The following ZAP70 variants were observed in gnomAD, a reference collection of about 807,000 sequenced individuals.
The protein encoded by ZAP70 is tyrosine-protein kinase ZAP-70.
Under a neutral mutation model 65.8 loss-of-function variants are expected in ZAP70, and 27 were observed. The observed-to-expected ratio is 0.41, with a 90% CI of 0.30 to 0.57. The LOEUF (loss-of-function observed/expected upper bound fraction) is 0.57. Ranked by LOEUF, ZAP70 falls within the 20% of genes least tolerant of loss-of-function variation. The probability of loss-of-function intolerance (pLI) is 0.28; values close to 1 mark genes in which losing one functional copy is unlikely to be tolerated. For missense variants in ZAP70, 696 were observed against 870.5 expected, an observed-to-expected ratio of 0.80 and a Z score of 2.52; for synonymous variants, 363 against 360.8, an observed-to-expected ratio of 1.01 and a Z score of -0.07.
At chr2:97,725,853 G>A (rs1677367713) in intron 4 of ZAP70, among the ~76,000 whole-genome samples, 1 of 152,158 alleles carries the variant, frequency 6.6e-6, no homozygotes, top group Non-Finnish European at 1.5e-5. Flanking sequence ...AAATGCAATG[G>A]CAAGTGCAAA....
At chr2:97,724,602 C>G in intron 3 of ZAP70, 164 bp downstream of exon 3, 1 of 1,533,992 alleles carries the variant, frequency 6.5e-7, no homozygotes. Flanking sequence ...TGAAAGGAGG[C>G]CTCAGAGGCA....
intron 10 of ZAP70, among the ~76,000 whole-genome samples, chr2:97,735,712 C>T (rs139122623): frequency 3.3e-5 from 5 of 152,298 alleles, no homozygotes; most frequent in Middle Eastern, 3.4e-3. Flanking sequence ...TGAGTCGGCA[C>T]CTATAAAGGG....
chr2:97,724,612 A>T, intron 3 of ZAP70, 174 bp downstream of exon 3: 1 of 1,533,758 alleles, frequency 6.5e-7, no homozygotes, highest in Non-Finnish European at 8.7e-7. Flanking sequence ...CCTCAGAGGC[A>T]GGGGCTCCGT....
At position 97,731,555 on chromosome 2, in the gene ZAP70, C is replaced by T. The variant is rs1413040290; in HGVS notation, c.564-1328C>T. Among the ~76,000 whole-genome samples, 1 of 152,182 alleles carries T rather than the reference C, an allele frequency of 6.6e-6. No individual in the cohort carries two copies. The highest frequency in any genetic ancestry group is 1.5e-5 in the Non-Finnish European group (1 of 68,036). ...GTGGGCTAGCCTGGGAACTGCCCCA[C>T]CCTTCACTGCACTGTACTTCGGGGA... On this transcript the variant is annotated intron_variant, in intron 4 of 13. Coordinates refer to ENST00000264972, the MANE Select transcript of ZAP70 (RefSeq NM_001079.4). The surrounding 1 kb of genome is among the most constrained non-coding windows in gnomAD (Gnocchi z 4.0).
the ZAP70 span, among the ~76,000 whole-genome samples, chr2:97,748,943 C>T: frequency 6.6e-6 from 1 of 150,772 alleles, no homozygotes; most frequent in East Asian, 2.0e-4. Flanking sequence ...AGGTCCGTGA[C>T]GGTTTAGTCT....
At position 97,724,354 on chromosome 2, in the gene ZAP70, G is replaced by A. The variant is rs1370194713; in HGVS notation, c.318G>A (p.Ser106=). The A allele has an allele frequency of 1.9e-6, 3 of 1,552,640 alleles. No homozygotes were observed. Among genetic ancestry groups the A allele is most frequent in the Non-Finnish European group, 2.6e-6 (3 of 1,149,066 alleles). Residue 106 remains serine, a synonymous_variant, in exon 3 of 14, where the codon TCG becomes TCA. Coordinates refer to ENST00000264972, the MANE Select transcript of ZAP70 (RefSeq NM_001079.4). ...CNLRKPCNRP[S]GLEPQPGVFD... is the part of the protein sequence containing the mutation. ...TGCGCAAGCCGTGCAACCGGCCGTC[G>A]GGCCTCGAGCCGCAGCCGGGGGTCT...
intron 2 of ZAP70, among the ~76,000 whole-genome samples, chr2:97,722,189 T>C (rs1213319097): frequency 6.6e-6 from 1 of 152,164 alleles, no homozygotes; most frequent in Non-Finnish European, 1.5e-5. Flanking sequence ...CACGAGGTTC[T>C]CCTGCCTCAG....
At chr2:97,756,128 T>C in the ZAP70 span, among the ~76,000 whole-genome samples, 2 of 152,010 alleles carry the variant, frequency 1.3e-5, no homozygotes, top group African/African-American at 2.4e-5. Context: ...AAACAGGCTT[T>C]CAAGTTGTTT....
chr2:97,721,257 C>A (rs1261686173), intron 2 of ZAP70, among the ~76,000 whole-genome samples: 2 of 152,192 alleles, frequency 1.3e-5, no homozygotes, highest in Non-Finnish European at 2.9e-5. Flanking sequence ...TGTGAGTTTG[C>A]CTACTTGTTA....
In ZAP70 at chr2:97,723,996, G is replaced by T; in HGVS notation, c.-21-20G>T. 6.5e-7 allele frequency: 1 copy of T among 1,537,060 alleles called. No homozygotes were observed. Among genetic ancestry groups the T allele is most frequent in the South Asian group, 1.2e-5 (1 of 84,010 alleles). On this transcript the variant is annotated intron_variant, in intron 2 of 13. Transcript: ENST00000264972. ...TTCAGGAAGGCCCTGACGTGCCTCC[G>T]ACCCTCTGTGAACCCGCAGGTTTCG...
intron 2 of ZAP70, among the ~76,000 whole-genome samples, chr2:97,717,353 G>A (rs1433598215): frequency 9.8e-5 from 14 of 142,366 alleles, no homozygotes; most frequent in Admixed American, 7.4e-4. Flanking sequence ...GGGGACATGC[G>A]GAGCCTCTGG....
In ZAP70 at chr2:97,724,084, G is replaced by T; in HGVS notation, c.48G>T (p.Ser16=). ...AHLPFFYGSI[S]RAEAEEHLKL... is the part of the protein sequence containing the mutation. ...TGCCCTTCTTCTACGGCAGCATCTC[G>T]CGTGCCGAGGCCGAGGAGCACCTGA... is the stretch of plus-strand genomic sequence containing the variant. Residue 16 remains serine (S), a synonymous_variant, in exon 3 of 14, where the codon TCG becomes TCT. Coordinates refer to ENST00000264972, the MANE Select transcript of ZAP70 (RefSeq NM_001079.4). The T allele has an allele frequency of 6.4e-7, 1 of 1,559,862 alleles. No individual in the cohort carries two copies. The highest frequency in any genetic ancestry group is 8.6e-7 in the Non-Finnish European group (1 of 1,156,732).
intron 4 of ZAP70, among the ~76,000 whole-genome samples, chr2:97,725,551 CCTT>C (rs1444392245): frequency 6.6e-6 from 1 of 152,224 alleles, no homozygotes; most frequent in East Asian, 1.9e-4. Flanking sequence ...AGTTTCCCCT[CCTT>C]CAATCAACAA....
intron 13 of ZAP70, 180 bp downstream of exon 13, chr2:97,738,287 C>A: frequency 1.5e-6 from 1 of 669,992 alleles, no homozygotes; most frequent in Non-Finnish European, 2.6e-6. Context: ...CCAGGGTTTG[C>A]TGTCCTGCTC....
At chr2:97,745,206 T>C in the ZAP70 span, among the ~76,000 whole-genome samples, 2 of 152,166 alleles carry the variant, frequency 1.3e-5, no homozygotes, top group African/African-American at 4.8e-5. Flanking sequence ...GACCAGCTAA[T>C]TTTTGTCTTC....
chr2:97,733,627 G>A, intron 8 of ZAP70, 32 bp downstream of exon 8: 8 of 1,613,150 alleles, frequency 5.0e-6, no homozygotes, highest in Non-Finnish European at 6.8e-6. Context: ...CGCGGGTTGG[G>A]GCTCATGCTG....
rs1156574068 is a variant in ZAP70, at chr2:97,737,377, C to T, written c.1290-96C>T. The stretch of plus-strand genomic sequence containing the variant: ...ATAAGCGTTTTTGAACACATGGTCA[C>T]CTGGCTCATGCCCAGCTGGGTCAGA... On this transcript the variant is annotated intron_variant, in intron 10 of 13. Coordinates refer to ENST00000264972, the MANE Select transcript of ZAP70 (RefSeq NM_001079.4). The surrounding 1 kb of genome is among the most constrained non-coding windows in gnomAD (Gnocchi z 5.0). 4.4e-6 allele frequency: 6 copies of T among 1,361,254 alleles called. No individual in the cohort carries two copies. In the African/African-American group the frequency reaches 7.1e-5, roughly 16 times the overall value. The allele number at this position is 1,361,254 out of a possible 1,614,324, so 84.3% of individuals were successfully genotyped here.
chr2:97,714,331 T>G (rs1676825241), intron 2 of ZAP70, among the ~76,000 whole-genome samples: 1 of 152,098 alleles, frequency 6.6e-6, no homozygotes, highest in East Asian at 1.9e-4. Flanking sequence ...GCATGTGCAC[T>G]CTGTGAAGAT....
At chr2:97,734,276 G>T (rs1677747444) in intron 8 of ZAP70, 1 of 1,147,450 alleles carries the variant, frequency 8.7e-7, no homozygotes, top group Non-Finnish European at 1.2e-6. Context: ...GTGCCACGTG[G>T]ATACCAATGC....
Sources: allele counts gnomAD v4.1 joint callset (sites outside exome capture counted in the v4.1 genomes callset), GRCh38; gene constraint gnomAD v4.1.1; non-coding constraint Gnocchi (gnomAD v3.1); transcripts MANE v1.5; gene names NCBI Gene and HGNC (gene_info 2026-07-23, HGNC 2026-07-21).